Variants in DPP6 observed in about 807,000 individuals in gnomAD.
DPP6 encodes the protein dipeptidyl peptidase like 6.
Under a neutral mutation model 122.6 loss-of-function variants are expected in DPP6, and 69 were observed. The observed-to-expected ratio is 0.56, with a 90% CI of 0.46 to 0.69. DPP6 has a LOEUF of 0.69. Among genes scored for constraint, DPP6 ranks in the 30% least tolerant of loss-of-function variants. The probability of loss-of-function intolerance (pLI) is 0.00; values close to 1 mark genes in which losing one functional copy is unlikely to be tolerated. For synonymous variants in DPP6, 418 were observed against 433.1 expected (o/e 0.97, Z 0.43); for missense variants, 928 against 1,116.9 (o/e 0.83, Z 2.41).
rs1223898213 is a variant in DPP6 at position 153,987,168 on chromosome 7, T to A, written c.51+99434T>A. 2.0e-5 allele frequency among the ~76,000 whole-genome samples: 3 copies of A among 152,224 alleles called. No individual in the cohort carries two copies. In the East Asian group the frequency reaches 5.8e-4, roughly 29 times the overall value. ...CCCCTGAGTTTTATGGCATCACCCT[T>A]GCTAATTTATTCATGATTAAACCAA... On this transcript the variant is annotated intron_variant, in intron 1 of 25. Transcript: ENST00000404039.
At chr7:153,912,303 G>T (rs543387156) in intron 1 of DPP6, among the ~76,000 whole-genome samples, 8 of 152,176 alleles carry the variant, frequency 5.3e-5, no homozygotes, top group African/African-American at 1.9e-4. Context: ...AACTGGAACC[G>T]TCGCAAAGGA....
chr7:154,479,570 A>AAAAG (rs1823060804), intron 3 of DPP6, among the ~76,000 whole-genome samples: 2 of 101,620 alleles, frequency 2.0e-5, no homozygotes, highest in Non-Finnish European at 4.5e-5. Context: ...AAAAAAAAAA[A>AAAAG]AAAAGAAAAG....
intron 1 of DPP6, among the ~76,000 whole-genome samples, chr7:154,273,368 A>C (rs1307890040): frequency 6.6e-6 from 1 of 152,182 alleles, no homozygotes; most frequent in African/African-American, 2.4e-5. Context: ...AATAATGACA[A>C]AATACAACCT....
At chr7:154,445,578 T>G (rs925215627) in intron 1 of DPP6, among the ~76,000 whole-genome samples, 2 of 152,174 alleles carry the variant, frequency 1.3e-5, no homozygotes, top group Admixed American at 1.3e-4. Flanking sequence ...TGGAAGGGAC[T>G]GAAACCTAGA....
intron 7 of DPP6, among the ~76,000 whole-genome samples, chr7:154,718,385 C>T (rs1563136956): frequency 6.6e-6 from 1 of 152,074 alleles, no homozygotes; most frequent in Non-Finnish European, 1.5e-5. Context: ...AACTTTGGGT[C>T]TTATGGCTAA....
chr7:153,883,383 T>G (rs1798808481), upstream of DPP6, among the ~76,000 whole-genome samples: 1 of 101,372 alleles, frequency 9.9e-6, no homozygotes, highest in Admixed American at 9.3e-5. Flanking sequence ...TTTTCCTTTT[T>G]TTTGTTCTTT....
intron 4 of DPP6, among the ~76,000 whole-genome samples, chr7:154,547,446 G>A (rs926936892): frequency 1.3e-5 from 2 of 152,186 alleles, no homozygotes; most frequent in African/African-American, 4.8e-5. Flanking sequence ...TTTGCTCACA[G>A]AGAGCAAAAT....
chr7:154,426,631 T>G (rs1349729201), intron 1 of DPP6, among the ~76,000 whole-genome samples: 7 of 152,056 alleles, frequency 4.6e-5, no homozygotes, highest in Non-Finnish European at 1.0e-4. Flanking sequence ...CGGTGAGACA[T>G]AGCCTTAATG....
the DPP6 span, among the ~76,000 whole-genome samples, chr7:153,793,085 C>T: frequency 3.3e-5 from 5 of 152,002 alleles, no homozygotes; most frequent in African/African-American, 7.2e-5. Context: ...CAAACTAATG[C>T]GGTAAATTGA....
intron 1 of DPP6, among the ~76,000 whole-genome samples, chr7:154,165,503 G>A (rs2150716919): frequency 1.3e-5 from 2 of 151,010 alleles, no homozygotes; most frequent in East Asian, 3.9e-4. Flanking sequence ...ATGATTTATA[G>A]TCCTTTGGGT....
At chr7:154,808,849 A>G (rs1168185263) in intron 16 of DPP6, among the ~76,000 whole-genome samples, 3 of 152,180 alleles carry the variant, frequency 2.0e-5, no homozygotes, top group Non-Finnish European at 2.9e-5. Flanking sequence ...ACAGGAGGTC[A>G]TGATCAAACA....
chr7:153,748,192 G>C, the DPP6 span, among the ~76,000 whole-genome samples: 1 of 152,084 alleles, frequency 6.6e-6, no homozygotes, highest in Non-Finnish European at 1.5e-5. Context: ...CCCGGGTGCC[G>C]TCCCAGCTCC....
chr7:154,660,218 A>G (rs10243015), intron 6 of DPP6, among the ~76,000 whole-genome samples: 103,464 of 133,034 alleles, frequency 0.78, 42,212 homozygotes, highest in South Asian at 0.9. Context: ...TCACCATGGC[A>G]TATTGGCCGT....
At chr7:154,128,726 T>C (rs1010674995) in intron 1 of DPP6, among the ~76,000 whole-genome samples, 1 of 151,414 alleles carries the variant, frequency 6.6e-6, no homozygotes, top group Admixed American at 6.6e-5. Flanking sequence ...CAAAATAAGA[T>C]ACATTTAAAA....
At chr7:154,379,230 G>A (rs1301722649) in intron 1 of DPP6, among the ~76,000 whole-genome samples, 1 of 152,140 alleles carries the variant, frequency 6.6e-6, no homozygotes, top group Admixed American at 6.5e-5. Flanking sequence ...GAGTTCTATT[G>A]CAGAACTCCA....
intron 1 of DPP6, among the ~76,000 whole-genome samples, chr7:153,978,440 C>T (rs1238091710): frequency 6.6e-6 from 1 of 152,066 alleles, no homozygotes; most frequent in Non-Finnish European, 1.5e-5. Context: ...CTTGTAGATT[C>T]TGGATATTAG....
At chr7:154,325,424 C>G (rs1030887554) in intron 1 of DPP6, among the ~76,000 whole-genome samples, 2 of 152,146 alleles carry the variant, frequency 1.3e-5, no homozygotes, top group Admixed American at 6.5e-5. Context: ...TAATCTTGAG[C>G]CTCAAGTGCC....
At chr7:154,736,424 G>A (rs934231540) in intron 8 of DPP6, among the ~76,000 whole-genome samples, 5 of 152,190 alleles carry the variant, frequency 3.3e-5, no homozygotes, top group South Asian at 2.1e-4. Context: ...TGTGGACAGC[G>A]AAATTTGAAT....
At chr7:154,575,583 TGA>T (rs1237424889) in intron 5 of DPP6, among the ~76,000 whole-genome samples, 5 of 129,880 alleles carry the variant, frequency 3.8e-5, no homozygotes, top group African/African-American at 1.5e-4. Context: ...TGTGTATGTG[TGA>T]GCGGGTGTAT....
Sources: gnomAD v4.1 joint callset for allele counts (sites outside exome capture counted in the v4.1 genomes callset) on GRCh38, gnomAD v4.1.1 for gene constraint, MANE v1.5 for transcripts, NCBI Gene and HGNC (gene_info 2026-07-23, HGNC 2026-07-21) for gene names.